Variants in NME9 observed in about 807,000 individuals in gnomAD.
The protein encoded by NME9 is NME/NM23 family member 9, also known as thioredoxin domain-containing protein 6.
NME9 carries 48 observed loss-of-function variants against 44.4 expected under a neutral mutation model. That is an observed-to-expected ratio of 1.08 (90% confidence interval 0.86 to 1.37). The LOEUF (loss-of-function observed/expected upper bound fraction) is 1.37, where lower values mean the gene tolerates loss of function less well. NME9 is among the 40% of genes most tolerant of loss of function. The probability of loss-of-function intolerance (pLI) is 0.00; values close to 1 mark genes in which losing one functional copy is unlikely to be tolerated. For missense variants in NME9, 325 were observed against 405.2 expected (o/e 0.80, Z 1.70); for synonymous variants, 139 against 147.1 (o/e 0.94, Z 0.40).
At chr3:138,284,406 C>T (rs772267910) in intron 8 of NME9, 1 of 1,578,484 alleles carries the variant, frequency 6.3e-7, no homozygotes, top group South Asian at 1.1e-5. Flanking sequence ...GCTTTCCTGA[C>T]TGTTGGCCCT....
chr3:138,281,026 C>T (rs1035018158), intron 8 of NME9, among the ~76,000 whole-genome samples: 2 of 152,172 alleles, frequency 1.3e-5, no homozygotes, highest in Admixed American at 1.3e-4. Context: ...CTCCTCTGTG[C>T]TGTTCTAGCC....
intron 8 of NME9, among the ~76,000 whole-genome samples, chr3:138,275,833 T>G (rs978037273): frequency 6.6e-6 from 1 of 152,184 alleles, no homozygotes; most frequent in Non-Finnish European, 1.5e-5. Context: ...TTACGTGATA[T>G]CTCTTAAAAT....
intron 8 of NME9, among the ~76,000 whole-genome samples, chr3:138,264,369 A>G (rs2048045658): frequency 6.6e-6 from 1 of 151,584 alleles, no homozygotes; most frequent in African/African-American, 2.4e-5. Context: ...AGCATCTACA[A>G]ATGCTTCATG....
At chr3:138,290,750 T>C (rs773382478) in intron 8 of NME9, 3 of 709,920 alleles carry the variant, frequency 4.2e-6, no homozygotes, top group Non-Finnish European at 7.0e-6. Context: ...TTTTAGATTC[T>C]TAGATTTTCT....
chr3:138,306,602 C>T, intron 6 of NME9, 122 bp from the exon 7 acceptor site: 3 of 643,792 alleles, frequency 4.7e-6, no homozygotes, highest in Non-Finnish European at 8.3e-6. Context: ...CAGGCTTGGG[C>T]TCTCAGAGTT....
chr3:138,295,995 C>T (rs2051451018), intron 8 of NME9: 2 of 1,252,376 alleles, frequency 1.6e-6, no homozygotes, highest in African/African-American at 1.5e-5. Flanking sequence ...TCACCTTGGA[C>T]TGCAGGGAGC....
intron 8 of NME9, among the ~76,000 whole-genome samples, chr3:138,276,566 A>G (rs1275301432): frequency 2.0e-5 from 3 of 152,336 alleles, no homozygotes; most frequent in Non-Finnish European, 2.9e-5. Flanking sequence ...AAATTCTAGA[A>G]CTAATAAATG....
Position 138,301,712 on chromosome 3 carries a change from A to T in NME9, c.929-8T>A, listed in dbSNP as rs2051861138. ...TTGCTTCAGCCTCACCGCCTGTGGG[A>T]TGACAGATGTTTGGTAGGACTCCTG... On this transcript the variant is annotated splice_region_variant and splice_polypyrimidine_tract_variant and intron_variant, in intron 10 of 10. Coordinates refer to ENST00000333911, the MANE Select transcript of NME9 (RefSeq NM_001349018.2). 3.3e-6 allele frequency: 5 copies of T among 1,535,430 alleles called. No homozygotes were observed. The highest frequency in any genetic ancestry group is 4.4e-6 in the Non-Finnish European group (5 of 1,146,310).
intron 8 of NME9, among the ~76,000 whole-genome samples, chr3:138,277,680 T>G (rs897718809): frequency 1.3e-5 from 2 of 152,174 alleles, no homozygotes; most frequent in Non-Finnish European, 2.9e-5. Flanking sequence ...ATGCAGAGCA[T>G]CTAGTGGAAA....
chr3:138,319,459 G>T lies in NME9; in HGVS notation c.195+19C>A. 7.3e-7 allele frequency: 1 copy of T among 1,363,472 alleles called. No homozygotes were observed. The highest frequency in any genetic ancestry group is 1.1e-6 in the Non-Finnish European group (1 of 951,552). The allele number at this position is 1,363,472 out of a possible 1,614,324, so 84.5% of individuals were successfully genotyped here. A position where few individuals can be genotyped will look rare whatever the true frequency, so the allele number is the denominator to read the frequency against. ...CTTTTTACAATGTTGTATGACTGTT[G>T]GCTGAGAGAGAATCTTACTAATGCA... On this transcript the variant is annotated intron_variant, in intron 3 of 10. Transcript: ENST00000333911.
intron 2 of NME9, among the ~76,000 whole-genome samples, chr3:138,322,067 A>AT: frequency 6.6e-6 from 1 of 151,982 alleles, no homozygotes; most frequent in African/African-American, 2.4e-5. Context: ...CAATTGACAG[A>AT]TTTTGTTTTT....
intron 6 of NME9, among the ~76,000 whole-genome samples, chr3:138,313,668 C>T (rs1182752428): frequency 6.6e-6 from 1 of 152,088 alleles, no homozygotes; most frequent in African/African-American, 2.4e-5. Context: ...CCTAAGTGCC[C>T]ATCAATGGAT....
chr3:138,280,189 C>G (rs546758780), intron 8 of NME9, among the ~76,000 whole-genome samples: 60 of 152,170 alleles, frequency 3.9e-4, no homozygotes, highest in Non-Finnish European at 7.6e-4. Context: ...CAGACATGAG[C>G]CACTGTGCCT....
chr3:138,313,827 C>T (rs1305681179), intron 6 of NME9, among the ~76,000 whole-genome samples: 1 of 152,164 alleles, frequency 6.6e-6, no homozygotes, highest in East Asian at 1.9e-4. Context: ...ACAAATAGCA[C>T]ATGTTCTTAC....
At chr3:138,266,867 C>T (rs1424666698) in intron 8 of NME9, among the ~76,000 whole-genome samples, 1 of 152,188 alleles carries the variant, frequency 6.6e-6, no homozygotes, top group Non-Finnish European at 1.5e-5. Flanking sequence ...GGCCTTCAAG[C>T]ATTTCACATA....
rs74373866 is a variant in NME9 at position 138,306,963 on chromosome 3, C to T, written c.461-483G>A. On this transcript the variant is annotated intron_variant, in intron 6 of 10. Coordinates refer to ENST00000333911, the MANE Select transcript of NME9 (RefSeq NM_001349018.2). The stretch of plus-strand genomic sequence containing the variant: ...CCAGCACTCTACCTGCTGTCTGCCA[C>T]GTGCTCTCCTTTCACTCTACTGGCT... Among the ~76,000 whole-genome samples the T allele has an allele frequency of 7.2e-3, 1,104 of 152,308 alleles. 11 individuals carry two copies. The highest frequency in any genetic ancestry group is 0.025 in the African/African-American group (1,031 of 41,560).
chr3:138,311,937 C>A (rs555624741), intron 6 of NME9, among the ~76,000 whole-genome samples: 1 of 152,234 alleles, frequency 6.6e-6, no homozygotes, highest in Admixed American at 6.5e-5. Flanking sequence ...AATCAACATA[C>A]AAAAACCCGT....
chr3:138,313,649 TG>T (rs2052859364), intron 6 of NME9, among the ~76,000 whole-genome samples: 1 of 152,174 alleles, frequency 6.6e-6, no homozygotes, highest in African/African-American at 2.4e-5. Flanking sequence ...AGCCAAAATA[TG>T]GAATCAACCT....
chr3:138,290,144 G>C (rs1195530295), intron 8 of NME9, among the ~76,000 whole-genome samples: 2 of 152,182 alleles, frequency 1.3e-5, no homozygotes, highest in African/African-American at 2.4e-5. Context: ...CAATAGAAAG[G>C]GGAAGATAAG....
Sources: allele counts gnomAD v4.1 joint callset (sites outside exome capture counted in the v4.1 genomes callset), GRCh38; gene constraint gnomAD v4.1.1; transcripts MANE v1.5; gene names NCBI Gene and HGNC (gene_info 2026-07-23, HGNC 2026-07-21).